DNAH8: variants seen among roughly 807,000 people sequenced by gnomAD.
The protein encoded by DNAH8 is axonemal beta dynein heavy chain 8.
DNAH8 carries 382 observed loss-of-function variants against 562.1 expected under a neutral mutation model. That is an observed-to-expected ratio of 0.68 (90% CI 0.63 to 0.74). The LOEUF is 0.74. Among genes scored for constraint, DNAH8 ranks in the 30% least tolerant of loss-of-function variants. The pLI is 0.00. For missense variants in DNAH8, 5,203 were observed against 5,620.4 expected (o/e 0.93, Z 2.37); for synonymous variants, 1,881 against 1,919.4 (o/e 0.98, Z 0.52).
At chr6:38,813,758 A>G (rs1772004836) in intron 24 of DNAH8, among the ~76,000 whole-genome samples, 1 of 152,194 alleles carries the variant, frequency 6.6e-6, no homozygotes. Context: ...TATCTGTTGC[A>G]GGGCTGGGAA....
intron 89 of DNAH8, among the ~76,000 whole-genome samples, chr6:39,010,365 A>G (rs1766109965): frequency 1.3e-5 from 2 of 152,332 alleles, no homozygotes; most frequent in Admixed American, 6.5e-5. Context: ...ACATTATTGT[A>G]GAGAATACTA....
chr6:38,795,072 C>CCCCA (rs1322244433), intron 21 of DNAH8, among the ~76,000 whole-genome samples: 1 of 152,200 alleles, frequency 6.6e-6, no homozygotes, highest in East Asian at 1.9e-4. Context: ...ACTCCCCACT[C>CCCCA]TTTGTTTTGG....
At chr6:38,937,611 G>A (rs968164951) in intron 77 of DNAH8, among the ~76,000 whole-genome samples, 12 of 152,150 alleles carry the variant, frequency 7.9e-5, no homozygotes, top group Non-Finnish European at 1.6e-4. Flanking sequence ...ACTTTGAGGA[G>A]AGCCACCAAG....
intron 13 of DNAH8, among the ~76,000 whole-genome samples, chr6:38,776,575 A>T (rs1412822136): frequency 6.6e-6 from 1 of 152,066 alleles, no homozygotes; most frequent in Non-Finnish European, 1.5e-5. Flanking sequence ...AGCACAAGAG[A>T]GCATTTGTAA....
At chr6:38,733,850 G>A (rs1373908909) in intron 4 of DNAH8, among the ~76,000 whole-genome samples, 3 of 151,508 alleles carry the variant, frequency 2.0e-5, no homozygotes, top group African/African-American at 7.3e-5. Flanking sequence ...GGTGGAGGTT[G>A]CAGTGAACTG....
intron 63 of DNAH8, 48 bp from the exon 64 acceptor site, chr6:38,907,906 CTG>C: frequency 1.4e-6 from 2 of 1,397,852 alleles, no homozygotes; most frequent in South Asian, 1.8e-5. Context: ...AGTGAATTGA[CTG>C]TGGAGAACTC....
At chr6:38,901,495 T>C (rs180844814) in intron 62 of DNAH8, among the ~76,000 whole-genome samples, 17 of 152,196 alleles carry the variant, frequency 1.1e-4, no homozygotes, top group African/African-American at 3.9e-4. Flanking sequence ...CATCTGATCA[T>C]ATATGTGACT....
chr6:38,955,849 T>C (rs1222349270), intron 82 of DNAH8, among the ~76,000 whole-genome samples: 1 of 152,118 alleles, frequency 6.6e-6, no homozygotes, highest in Non-Finnish European at 1.5e-5. Context: ...ATCCAAGACC[T>C]AGGAGGGTTG....
intron 82 of DNAH8, among the ~76,000 whole-genome samples, chr6:38,964,425 G>T (rs1762840947): frequency 6.9e-6 from 1 of 143,890 alleles, no homozygotes; most frequent in South Asian, 2.3e-4. Flanking sequence ...TTCCCAGTAG[G>T]GGCGGCCGGG....
intron 72 of DNAH8, chr6:38,923,415 AT>A (rs1414370865): frequency 2.5e-6 from 1 of 400,020 alleles, no homozygotes; most frequent in Non-Finnish European, 4.4e-6. Context: ...TGCTTTTGAT[AT>A]TGTTTGGATT....
At chr6:38,716,244 AG>A (rs1405389464) in intron 1 of DNAH8, among the ~76,000 whole-genome samples, 3 of 151,246 alleles carry the variant, frequency 2.0e-5, no homozygotes, top group African/African-American at 7.3e-5. Flanking sequence ...TACAGGCATG[AG>A]CCACCACGCC....
In DNAH8 at chr6:38,786,816, T is replaced by G; in HGVS notation, c.2447T>G (p.Val816Gly). The G allele has an allele frequency of 6.2e-7, 1 of 1,613,226 alleles. No homozygotes were observed. The highest frequency in any genetic ancestry group is 8.5e-7 in the Non-Finnish European group (1 of 1,179,724). Residue 816 changes from valine (V) to glycine (G), a missense_variant, in exon 18 of 93, where the codon GTT becomes GGT. Physicochemically the swap from Val to Gly is moderately radical, Grantham distance 109 (BLOSUM62 -3). Transcript: ENST00000327475. The stretch of plus-strand genomic sequence containing the variant: ...CATCCAGAAACAGGGAAGTTGCTGG[T>G]TAATTTCGATCCCAAAATTTTGGAA... ...VRHPETGKLL[V>G]NFDPKILEVV...
At chr6:38,813,119 C>G (rs980782386) in intron 24 of DNAH8, among the ~76,000 whole-genome samples, 1 of 152,180 alleles carries the variant, frequency 6.6e-6, no homozygotes, top group South Asian at 2.1e-4. Context: ...ACCAAATGAT[C>G]TAGTGCACTG....
At position 38,939,742 on chromosome 6, in the gene DNAH8, A is replaced by G. The variant is rs149192566; in HGVS notation, c.12007+754A>G. Among the ~76,000 whole-genome samples, 641 of 152,336 alleles carry G rather than the reference A, an allele frequency of 4.2e-3. 3 individuals are homozygous for G. Among genetic ancestry groups the G allele is most frequent in the Middle Eastern group, 0.01 (3 of 294 alleles). On this transcript the variant is annotated intron_variant, in intron 79 of 92. Transcript: ENST00000327475. ...GCCATGAATTGGGGAACTATTTGGT[A>G]CGTGGCAAAATGTTTCAATCTTTTT...
In DNAH8 at chr6:38,755,978, A is replaced by G. The variant is rs150780644; in HGVS notation, c.1414A>G (p.Met472Val). ...QPLYNHDLVS[M>V]AHGIQNLINA... Reference sequence around the variant, plus strand: ...TAATTTGTTTCAATGTTAGGTTTCCATGGCACATGGAATACAAAATTTGAT... The same window carrying G: ...TAATTTGTTTCAATGTTAGGTTTCCGTGGCACATGGAATACAAAATTTGAT... Residue 472 changes from methionine to valine, a missense_variant, in exon 10 of 93, where the codon ATG becomes GTG. Met to Val is a conservative substitution (Grantham distance 21). This residue lies in a region of DNAH8 where 2,176 missense variants were observed against 2,365.1 expected (regional missense o/e 0.92). Coordinates refer to ENST00000327475, the MANE Select transcript of DNAH8 (RefSeq NM_001206927.2). 8.3e-5 allele frequency: 132 copies of G among 1,593,868 alleles called. No individual in the cohort carries two copies. Among genetic ancestry groups the G allele is most frequent in the Non-Finnish European group, 1.1e-4 (125 of 1,162,540 alleles).
intron 80 of DNAH8, among the ~76,000 whole-genome samples, chr6:38,947,936 C>T (rs1276874793): frequency 3.3e-5 from 5 of 152,022 alleles, no homozygotes; most frequent in African/African-American, 4.8e-5. Context: ...TTAGTAGGGA[C>T]GGAGTTCCAC....
At chr6:38,998,107 C>A (rs2150745669) in intron 88 of DNAH8, among the ~76,000 whole-genome samples, 1 of 152,212 alleles carries the variant, frequency 6.6e-6, no homozygotes. Flanking sequence ...ACTCGATGCC[C>A]CCTGTTTATT....
chr6:38,949,238 G>A (rs768619250), intron 80 of DNAH8, among the ~76,000 whole-genome samples: 19 of 152,124 alleles, frequency 1.2e-4, no homozygotes, highest in Non-Finnish European at 1.9e-4. Flanking sequence ...TAATTGTAGC[G>A]AATAATGTAG....
intron 74 of DNAH8, 83 bp from the exon 75 acceptor site, chr6:38,929,428 C>T: frequency 1.5e-6 from 2 of 1,329,760 alleles, no homozygotes; most frequent in South Asian, 3.9e-5. Context: ...TCTTGATTAC[C>T]TGTCCAACAA....
Sources: gnomAD v4.1 joint callset for allele counts (sites outside exome capture counted in the v4.1 genomes callset) on GRCh38, gnomAD v4.1.1 for gene constraint, gnomAD v4.1.1 regional missense constraint, MANE v1.5 for transcripts, NCBI Gene and HGNC (gene_info 2026-07-23, HGNC 2026-07-21) for gene names.